C9orf85: variants seen among roughly 807,000 people sequenced by gnomAD.
C9orf85 encodes the protein chromosome 9 open reading frame 85.
In C9orf85, 16 loss-of-function variants were observed where a neutral mutation model predicts 14.9. The ratio of observed to expected loss-of-function variants is 1.08; its 90% CI spans 0.73 to 1.63. The LOEUF (loss-of-function observed/expected upper bound fraction) is 1.63, where lower values mean the gene tolerates loss of function less well. Ranked by LOEUF, C9orf85 falls within the 40% of genes most tolerant of loss-of-function variation. The pLI is 0.00. For missense variants in C9orf85, 172 were observed against 186.1 expected, an observed-to-expected ratio of 0.92 and a Z score of 0.44; for synonymous variants, 45 against 56.8, an observed-to-expected ratio of 0.79 and a Z score of 0.93.
chr9:71,971,437 C>T (rs942069188), intron 2 of C9orf85, 68 bp from the exon 3 acceptor site: 3 of 928,362 alleles, frequency 3.2e-6, no homozygotes, highest in Admixed American at 5.4e-5. Flanking sequence ...TACATTTAGA[C>T]ACATCTTATT....
At chr9:71,938,995 T>C (rs1828263835) in intron 1 of C9orf85, among the ~76,000 whole-genome samples, 1 of 151,764 alleles carries the variant, frequency 6.6e-6, no homozygotes, top group Non-Finnish European at 1.5e-5. Flanking sequence ...TGTGAACTTA[T>C]GTAAATATAT....
chr9:71,965,499 T>C (rs561260059), intron 2 of C9orf85, among the ~76,000 whole-genome samples: 1 of 152,330 alleles, frequency 6.6e-6, no homozygotes, highest in South Asian at 2.1e-4. Flanking sequence ...GTTCTTTTCC[T>C]ACTATTTTAT....
intron 1 of C9orf85, among the ~76,000 whole-genome samples, chr9:71,931,260 T>G (rs778481260): frequency 3.3e-5 from 5 of 152,226 alleles, no homozygotes; most frequent in Admixed American, 1.3e-4. Flanking sequence ...TCTGGATTCC[T>G]GACTTATGCC....
chr9:71,937,701 TTC>T, intron 1 of C9orf85, among the ~76,000 whole-genome samples: 1 of 152,280 alleles, frequency 6.6e-6, no homozygotes, highest in Non-Finnish European at 1.5e-5. Context: ...GGGACTAAAC[TTC>T]AGAGAATATT....
At chr9:71,911,937 C>T (rs778530538) in intron 1 of C9orf85, 101 bp downstream of exon 1, 1 of 1,028,456 alleles carries the variant, frequency 9.7e-7, no homozygotes, top group Non-Finnish European at 1.5e-6. Context: ...CGAGTGTGGA[C>T]CGCAGCCCAG....
chr9:71,915,297 C>T (rs1243296043), intron 1 of C9orf85, among the ~76,000 whole-genome samples: 1 of 151,652 alleles, frequency 6.6e-6, no homozygotes, highest in African/African-American at 2.4e-5. Context: ...TCTCTTGTCT[C>T]AGCCTCCCAA....
At chr9:71,961,005 C>T (rs181052442) in intron 2 of C9orf85, among the ~76,000 whole-genome samples, 88 of 150,948 alleles carry the variant, frequency 5.8e-4, no homozygotes, top group African/African-American at 2.0e-3. Flanking sequence ...TTCTGCCTCC[C>T]GGGATCAAGT....
At chr9:71,930,803 CAAAA>C (rs747596247) in intron 1 of C9orf85, among the ~76,000 whole-genome samples, 35 of 61,036 alleles carry the variant, frequency 5.7e-4, no homozygotes, top group African/African-American at 2.1e-3. Flanking sequence ...GACCCTGTCT[CAAAA>C]AAAAAAAAAA....
At chr9:71,982,016 C>T (rs1220219758) in intron 3 of C9orf85, among the ~76,000 whole-genome samples, 1 of 152,168 alleles carries the variant, frequency 6.6e-6, no homozygotes, top group African/African-American at 2.4e-5. Context: ...ACATTTCCAT[C>T]ATCCCAAAAT....
chr9:71,921,209 T>TGG lies in C9orf85; in HGVS notation c.102+9378_102+9379dup, dbSNP rs551787237. 4.8e-4 allele frequency among the ~76,000 whole-genome samples: 73 copies of TGG among 152,278 alleles called. 1 individual carries two copies. Among genetic ancestry groups the TGG allele is most frequent in the Non-Finnish European group, 9.6e-4 (65 of 68,018 alleles). ...AATAGCCCTGCAAAGCTGTGTTTTGTGGGGGGAAATTTGCATTCTGTAGAG... is the reference window on the plus strand; with the variant it reads ...AATAGCCCTGCAAAGCTGTGTTTTGTGGGGGGGGAAATTTGCATTCTGTAGAG... On this transcript the variant is annotated intron_variant, in intron 1 of 3. Transcript: ENST00000334731.
intron 2 of C9orf85, 28 bp from the exon 3 acceptor site, chr9:71,971,474 AAAT>A (rs1322910949): frequency 1.6e-6 from 2 of 1,288,796 alleles, no homozygotes; most frequent in East Asian, 5.1e-5. Context: ...AAATAAACAT[AAAT>A]AAGTTAACAT....
intron 1 of C9orf85, among the ~76,000 whole-genome samples, chr9:71,921,657 T>C (rs368228331): frequency 2.5e-4 from 38 of 152,174 alleles, no homozygotes; most frequent in African/African-American, 9.2e-4. Context: ...TGAGACTGAG[T>C]CATGGGCCAT....
chr9:71,968,560 G>A (rs931591599), intron 2 of C9orf85, among the ~76,000 whole-genome samples: 1 of 152,068 alleles, frequency 6.6e-6, no homozygotes. Context: ...CTACAGAGTT[G>A]TTGGGCTTAT....
At chr9:71,945,520 G>A (rs143677809) in intron 1 of C9orf85, among the ~76,000 whole-genome samples, 1 of 152,244 alleles carries the variant, frequency 6.6e-6, no homozygotes, top group East Asian at 1.9e-4. Flanking sequence ...CTTCCTGATG[G>A]TGAAGATTCC....
At chr9:71,978,161 G>A (rs560723068), downstream of C9orf85, among the ~76,000 whole-genome samples, 7 of 152,298 alleles carry the variant, frequency 4.6e-5, no homozygotes, top group Non-Finnish European at 4.4e-5. Flanking sequence ...CCAGGCTGGA[G>A]TGCAGTGGCG....
intron 3 of C9orf85, chr9:71,982,540 A>G (rs1004957727): frequency 2.9e-6 from 1 of 350,234 alleles, no homozygotes; most frequent in East Asian, 9.9e-5. Context: ...GAGGCTCAAG[A>G]TCCTCGCCAA....
rs779819278 is a variant in C9orf85 at position 71,911,780 on chromosome 9, C to T, written c.46C>T (p.His16Tyr). ...GNVARSRPQK[H>Y]QNTFSFKNDK... is the part of the protein sequence containing the mutation. ...CGTGGCTCGTTCCAGACCTCAGAAGCACCAGAATACGTTTAGCTTCAAAAA... is the reference window on the plus strand; with the variant it reads ...CGTGGCTCGTTCCAGACCTCAGAAGTACCAGAATACGTTTAGCTTCAAAAA... Residue 16 changes from histidine (H) to tyrosine (Y), a missense_variant, in exon 1 of 4, where the codon CAC (histidine) becomes TAC (tyrosine). Transcript: ENST00000334731. The T allele has an allele frequency of 3.7e-6, 6 of 1,614,158 alleles. No homozygotes were observed. Among genetic ancestry groups the T allele is most frequent in the African/African-American group, 1.3e-5 (1 of 75,044 alleles).
At chr9:71,984,411 T>C (rs1184657971), downstream of C9orf85, 1 of 152,230 alleles carries the variant, frequency 6.6e-6, no homozygotes, top group Non-Finnish European at 1.5e-5. Flanking sequence ...CCTTCTTAAA[T>C]CCTGAGCTGA....
At chr9:71,937,960 T>C (rs1263371200) in intron 1 of C9orf85, among the ~76,000 whole-genome samples, 1 of 152,248 alleles carries the variant, frequency 6.6e-6, no homozygotes, top group South Asian at 2.1e-4. Context: ...TAGTAATAAC[T>C]TTGATTTTAT....
Sources: allele counts gnomAD v4.1 joint callset (sites outside exome capture counted in the v4.1 genomes callset), GRCh38; gene constraint gnomAD v4.1.1; transcripts MANE v1.5; gene names NCBI Gene and HGNC (gene_info 2026-07-23, HGNC 2026-07-21).